Variants in CHEK1 observed in about 807,000 individuals in gnomAD.
CHEK1 encodes the protein serine/threonine-protein kinase Chk1.
CHEK1 carries 32 observed loss-of-function variants against 60.2 expected under a neutral mutation model. That is an observed-to-expected ratio of 0.53 (90% CI 0.40 to 0.71). CHEK1 has a LOEUF of 0.71. Among genes scored for constraint, CHEK1 ranks in the 30% least tolerant of loss-of-function variants. The pLI, the probability that CHEK1 is intolerant of heterozygous loss-of-function variation, is 0.00. For missense variants in CHEK1, 399 were observed against 564.6 expected (o/e 0.71, Z 2.97); for synonymous variants, 179 against 187.2 (o/e 0.96, Z 0.36).
chr11:125,676,206 C>T, exon 14 of CHEK1: 1 of 1,031,390 alleles, frequency 9.7e-7, no homozygotes. Context: ...CCTCGCCTGG[C>T]AAGGGATTCT....
In CHEK1 at chr11:125,650,142, GA is replaced by G. The variant is rs888236999; in HGVS notation, c.1234-3603del. ...GAAGTTTTTGGCCACAATTTCTTCA[GA>G]TTTTTTTTTTTATATCTAACTCTCC... On this transcript the variant is annotated intron_variant, in intron 11 of 12. Transcript: ENST00000438015. 9.2e-5 allele frequency among the ~76,000 whole-genome samples: 14 copies of G among 151,496 alleles called. No homozygotes were observed. In the East Asian group the frequency reaches 1.2e-3, roughly 13 times the overall value.
intron 5 of CHEK1, 99 bp from the exon 6 acceptor site, chr11:125,633,064 T>G: frequency 9.5e-7 from 1 of 1,056,142 alleles, no homozygotes; most frequent in South Asian, 1.8e-5. Context: ...AAACCTTAAG[T>G]AACACCAGTG....
intron 8 of CHEK1, among the ~76,000 whole-genome samples, chr11:125,639,544 T>C (rs528382281): frequency 6.6e-6 from 1 of 152,058 alleles, no homozygotes; most frequent in African/African-American, 2.4e-5. Context: ...ACCTGGCTAA[T>C]TTTTATATTT....
intron 13 of CHEK1, among the ~76,000 whole-genome samples, chr11:125,664,973 G>T (rs1023192349): frequency 6.6e-6 from 1 of 152,138 alleles, no homozygotes; most frequent in African/African-American, 2.4e-5. Context: ...TGAAAGATAC[G>T]GCTCTAGTTT....
chr11:125,646,610 A>G (rs1941518412), intron 11 of CHEK1, among the ~76,000 whole-genome samples: 1 of 152,126 alleles, frequency 6.6e-6, no homozygotes, highest in South Asian at 2.1e-4. Flanking sequence ...GAGGGTTCCA[A>G]TTTCTCTACA....
intron 6 of CHEK1, among the ~76,000 whole-genome samples, chr11:125,634,197 G>A (rs575040027): frequency 1.3e-5 from 2 of 152,064 alleles, no homozygotes; most frequent in East Asian, 3.9e-4. Flanking sequence ...GTTTCACCAT[G>A]TTGGCCAGAC....
At chr11:125,647,526 T>A (rs1219748897) in intron 11 of CHEK1, among the ~76,000 whole-genome samples, 1 of 152,124 alleles carries the variant, frequency 6.6e-6, no homozygotes, top group East Asian at 1.9e-4. Context: ...CCCTTGTTTT[T>A]CTGTCTTTTA....
At chr11:125,638,762 G>T (rs139311491) in intron 8 of CHEK1, among the ~76,000 whole-genome samples, 1 of 151,888 alleles carries the variant, frequency 6.6e-6, no homozygotes, top group African/African-American at 2.4e-5. Flanking sequence ...AATTTCTGCC[G>T]TACTATCACA....
intron 13 of CHEK1, among the ~76,000 whole-genome samples, chr11:125,674,370 C>T (rs1942379177): frequency 6.6e-6 from 1 of 152,140 alleles, no homozygotes; most frequent in South Asian, 2.1e-4. Flanking sequence ...TGAGACTGAA[C>T]TAAGCTATGA....
downstream of CHEK1, chr11:125,677,875 C>A (rs769401052): frequency 1.9e-6 from 3 of 1,613,840 alleles, no homozygotes; most frequent in Non-Finnish European, 2.5e-6. Context: ...TCACCCGAGG[C>A]CTGCTCACCA....
downstream of CHEK1, chr11:125,681,031 G>C: frequency 2.8e-6 from 1 of 357,432 alleles, no homozygotes; most frequent in Non-Finnish European, 5.0e-6. This position sits in a 1 kb window ranked among gnomAD's most constrained non-coding sequence, Gnocchi z 4.2. Context: ...TCTGTGTGCA[G>C]GGTAGTGTGT....
chr11:125,661,841 C>T (rs1453113577), downstream of CHEK1, among the ~76,000 whole-genome samples: 1 of 152,068 alleles, frequency 6.6e-6, no homozygotes, highest in East Asian at 1.9e-4. Context: ...AATATATGTA[C>T]ATACATATCT....
chr11:125,626,944 C>A, intron 2 of CHEK1, 111 bp downstream of exon 2: 1 of 1,179,150 alleles, frequency 8.5e-7, no homozygotes, highest in Non-Finnish European at 1.2e-6. Context: ...GTTTTGGCAA[C>A]TGAAGTTACA....
rs374586456 is a variant in CHEK1 at position 125,643,943 on chromosome 11, C to T, written c.923+43C>T. On this transcript the variant is annotated intron_variant, in intron 9 of 12. Coordinates refer to ENST00000438015, the MANE Select transcript of CHEK1 (RefSeq NM_001114122.3). ...TGAGTAGTTTTTGATTGTAGTATTC[C>T]CCATGAAGAATAATACATGTATGTG... The T allele has an allele frequency of 3.2e-6, 5 of 1,548,602 alleles. No individual in the cohort carries two copies. In the African/African-American group the frequency reaches 6.8e-5, roughly 21 times the overall value.
chr11:125,641,791 T>G (rs1223335094), intron 8 of CHEK1, among the ~76,000 whole-genome samples: 3 of 78,774 alleles, frequency 3.8e-5, no homozygotes, highest in East Asian at 8.1e-4. Context: ...TCTGATTACC[T>G]TTTTTTTTTT....
intron 11 of CHEK1, among the ~76,000 whole-genome samples, chr11:125,648,775 A>T (rs1413727953): frequency 6.6e-6 from 1 of 151,112 alleles, no homozygotes; most frequent in South Asian, 2.1e-4. Flanking sequence ...GTCTTTCAGC[A>T]TTAAGTATGA....
intron 8 of CHEK1, chr11:125,643,245 C>T (rs144141811): frequency 0.022 from 3,295 of 148,056 alleles, 56 homozygotes; most frequent in Middle Eastern, 0.049. Context: ...TTTGGGAGGC[C>T]GAGGCGGGTG....
downstream of CHEK1, among the ~76,000 whole-genome samples, chr11:125,660,237 A>G (rs570645378): frequency 1.2e-4 from 19 of 152,292 alleles, no homozygotes; most frequent in East Asian, 2.1e-3. Flanking sequence ...AGTTTTTACA[A>G]TTGTTGGGTA....
rs1940772397 is a variant in CHEK1, at chr11:125,629,457, A to G, written c.421A>G (p.Arg141Gly). Residue 141 changes from arginine to glycine, a missense_variant, in exon 5 of 13, where the codon AGG becomes GGG. Transcript: ENST00000438015. ...IKPENLLLDE[R>G]DNLKISDFGL... is the part of the protein sequence containing the mutation. Reference sequence around the variant, plus strand: ...ACCAGAAAATCTTCTGTTGGATGAAAGGGGTAAGTTTAGCATTTTATCACT... The same window carrying G: ...ACCAGAAAATCTTCTGTTGGATGAAGGGGGTAAGTTTAGCATTTTATCACT... The G allele has an allele frequency of 6.2e-7, 1 of 1,608,438 alleles. No individual in the cohort carries two copies. Among genetic ancestry groups the G allele is most frequent in the African/African-American group, 1.3e-5 (1 of 74,812 alleles).
Sources: allele counts gnomAD v4.1 joint callset (sites outside exome capture counted in the v4.1 genomes callset), GRCh38; gene constraint gnomAD v4.1.1; non-coding constraint Gnocchi (gnomAD v3.1); transcripts MANE v1.5; gene names NCBI Gene and HGNC (gene_info 2026-07-23, HGNC 2026-07-21).